PLCB4: variants seen among roughly 807,000 people sequenced by gnomAD.
The protein encoded by PLCB4 is 1-phosphatidylinositol 4,5-bisphosphate phosphodiesterase beta-4.
Under a neutral mutation model 178.8 loss-of-function variants are expected in PLCB4, and 77 were observed. The ratio of observed to expected loss-of-function variants is 0.43; its 90% CI spans 0.36 to 0.52. The LOEUF (loss-of-function observed/expected upper bound fraction) is 0.52, where lower values mean the gene tolerates loss of function less well. Ranked by LOEUF, PLCB4 falls within the 20% of genes least tolerant of loss-of-function variation. PLCB4 has a pLI of 0.00. For missense variants in PLCB4, 1,024 were observed against 1,453.4 expected, an observed-to-expected ratio of 0.70 and a Z score of 4.80; for synonymous variants, 496 against 490.8, an observed-to-expected ratio of 1.01 and a Z score of -0.14.
intron 3 of PLCB4, among the ~76,000 whole-genome samples, chr20:9,271,097 T>C (rs1021587538): frequency 6.6e-6 from 1 of 152,154 alleles, no homozygotes. Flanking sequence ...AAAGGCCTTA[T>C]TGGGCAGAAT....
intron 3 of PLCB4, among the ~76,000 whole-genome samples, chr20:9,286,230 G>A (rs988980687): frequency 6.6e-6 from 1 of 151,950 alleles, no homozygotes; most frequent in Admixed American, 6.6e-5. Flanking sequence ...GGACATAGAT[G>A]CCTACAATTA....
intron 4 of PLCB4, among the ~76,000 whole-genome samples, chr20:9,327,253 A>G (rs2030758129): frequency 6.6e-6 from 1 of 151,006 alleles, no homozygotes; most frequent in African/African-American, 2.4e-5. Flanking sequence ...AGCCTGGACA[A>G]CATAGCGAAA....
intron 3 of PLCB4, among the ~76,000 whole-genome samples, chr20:9,303,913 T>C (rs1437505359): frequency 6.6e-6 from 1 of 152,140 alleles, no homozygotes; most frequent in Non-Finnish European, 1.5e-5. Flanking sequence ...CACATTCTCA[T>C]TCTTTAATTA....
intron 9 of PLCB4, among the ~76,000 whole-genome samples, chr20:9,366,988 G>A (rs1301980198): frequency 6.6e-6 from 1 of 152,204 alleles, no homozygotes; most frequent in Non-Finnish European, 1.5e-5. Flanking sequence ...TGGATGCATT[G>A]AGCAGTGGCA....
At chr20:9,397,246 C>T (rs188993974) in intron 19 of PLCB4, among the ~76,000 whole-genome samples, 57 of 152,340 alleles carry the variant, frequency 3.7e-4, no homozygotes, top group East Asian at 2.3e-3. Context: ...CAAGAAACAA[C>T]TCCTCATCGG....
intron 2 of PLCB4, among the ~76,000 whole-genome samples, chr20:9,152,016 C>T (rs1429834671): frequency 2.0e-5 from 3 of 152,080 alleles, no homozygotes; most frequent in Non-Finnish European, 4.4e-5. Flanking sequence ...TTTGCCCCTG[C>T]CTTAGAGATC....
chr20:9,123,714 A>G (rs200885789), intron 2 of PLCB4, among the ~76,000 whole-genome samples: 1 of 152,170 alleles, frequency 6.6e-6, no homozygotes, highest in East Asian at 1.9e-4. Context: ...GTAGATAAGT[A>G]GGTAGATAGG....
chr20:9,465,359 T>C (rs1354117178), intron 35 of PLCB4, among the ~76,000 whole-genome samples: 1 of 152,166 alleles, frequency 6.6e-6, no homozygotes, highest in East Asian at 1.9e-4. Context: ...AAGCATTCCC[T>C]CTGAAAACTG....
At chr20:9,071,032 A>G (rs2089547269) in intron 1 of PLCB4, among the ~76,000 whole-genome samples, 1 of 152,218 alleles carries the variant, frequency 6.6e-6, no homozygotes, top group African/African-American at 2.4e-5. Flanking sequence ...TTATATTTAT[A>G]TGCCTGAAAA....
At chr20:9,238,034 G>T (rs1017424977) in intron 3 of PLCB4, among the ~76,000 whole-genome samples, 1 of 152,108 alleles carries the variant, frequency 6.6e-6, no homozygotes, top group Non-Finnish European at 1.5e-5. Context: ...TAGAAGACTG[G>T]CCTGGTTAGG....
intron 2 of PLCB4, among the ~76,000 whole-genome samples, chr20:9,106,353 A>G (rs1273156982): frequency 1.3e-5 from 2 of 151,914 alleles, no homozygotes; most frequent in Non-Finnish European, 2.9e-5. Flanking sequence ...ACAAATAAAA[A>G]CAAGCAAAAA....
Position 9,161,107 on chromosome 20 carries a change from T to C in PLCB4, c.-78-56283T>C, listed in dbSNP as rs1040762873. On this transcript the variant is annotated intron_variant, in intron 2 of 39. Coordinates refer to ENST00000378473, the MANE Select transcript of PLCB4 (RefSeq NM_001377142.1). ...AGTGGTTATTTGAGATATGTAAAAGTTTTTAGATAGATATCATTATCCCAA... is the reference window on the plus strand; with the variant it reads ...AGTGGTTATTTGAGATATGTAAAAGCTTTTAGATAGATATCATTATCCCAA... Among the ~76,000 whole-genome samples, 24 of 152,140 alleles carry C rather than the reference T, an allele frequency of 1.6e-4. 1 individual carries two copies. The highest frequency in any genetic ancestry group is 6.3e-3 in the Middle Eastern group (2 of 316).
At chr20:9,293,971 A>G (rs923579966) in intron 3 of PLCB4, among the ~76,000 whole-genome samples, 1 of 152,186 alleles carries the variant, frequency 6.6e-6, no homozygotes, top group Non-Finnish European at 1.5e-5. Flanking sequence ...ATAAATACAG[A>G]GAGGAGAATG....
chr20:9,145,517 T>C (rs571795099), intron 2 of PLCB4, among the ~76,000 whole-genome samples: 1 of 152,204 alleles, frequency 6.6e-6, no homozygotes, highest in South Asian at 2.1e-4. Context: ...TTCTTTTTTT[T>C]TTTTGGTCTT....
At chr20:9,235,186 A>G (rs898059878) in intron 3 of PLCB4, among the ~76,000 whole-genome samples, 1 of 151,906 alleles carries the variant, frequency 6.6e-6, no homozygotes, top group Non-Finnish European at 1.5e-5. Flanking sequence ...TCATTGATGG[A>G]CTTGGAGTTC....
At chr20:9,156,928 G>A (rs373209944) in intron 2 of PLCB4, among the ~76,000 whole-genome samples, 2 of 142,220 alleles carry the variant, frequency 1.4e-5, no homozygotes, top group African/African-American at 2.6e-5. Flanking sequence ...TGAACTAGAT[G>A]GATCAACTCA....
At chr20:9,163,495 C>G (rs981128026) in intron 2 of PLCB4, among the ~76,000 whole-genome samples, 1 of 151,744 alleles carries the variant, frequency 6.6e-6, no homozygotes, top group African/African-American at 2.4e-5. Context: ...AGAACTTGTT[C>G]CTCTTTTGAT....
At chr20:9,179,917 C>T (rs1330561846) in intron 2 of PLCB4, among the ~76,000 whole-genome samples, 1 of 152,084 alleles carries the variant, frequency 6.6e-6, no homozygotes, top group Non-Finnish European at 1.5e-5. Flanking sequence ...CACCACTATC[C>T]CCATAAAATT....
At chr20:9,327,459 C>T (rs1244367089) in intron 4 of PLCB4, among the ~76,000 whole-genome samples, 1 of 151,752 alleles carries the variant, frequency 6.6e-6, no homozygotes, top group Non-Finnish European at 1.5e-5. Context: ...GCCCGGATGA[C>T]AGCAAAATTC....
Sources: allele counts gnomAD v4.1 joint callset (sites outside exome capture counted in the v4.1 genomes callset), GRCh38; gene constraint gnomAD v4.1.1; transcripts MANE v1.5; gene names NCBI Gene and HGNC (gene_info 2026-07-23, HGNC 2026-07-21).